The following PDE1C variants were observed in gnomAD, a reference collection of about 807,000 sequenced individuals.
PDE1C encodes the protein phosphodiesterase 1C.
Under a neutral mutation model 93.1 loss-of-function variants are expected in PDE1C, and 62 were observed. The observed-to-expected ratio is 0.67, with a 90% confidence interval of 0.54 to 0.82. The LOEUF (loss-of-function observed/expected upper bound fraction) is 0.82, where lower values mean the gene tolerates loss of function less well. Among genes scored for constraint, PDE1C ranks in the 40% least tolerant of loss-of-function variants. The pLI is 0.00. For synonymous variants in PDE1C, 325 were observed against 310.1 expected (o/e 1.05, Z -0.50); for missense variants, 742 against 884.6 (o/e 0.84, Z 2.04).
the PDE1C span, among the ~76,000 whole-genome samples, chr7:31,632,896 T>G: frequency 6.6e-6 from 1 of 151,490 alleles, no homozygotes; most frequent in Non-Finnish European, 1.5e-5. Flanking sequence ...ATTCATTTAT[T>G]TATTTATTTG....
At chr7:32,168,825 T>G (rs1044933919) in intron 3 of PDE1C, among the ~76,000 whole-genome samples, 2 of 152,170 alleles carry the variant, frequency 1.3e-5, no homozygotes, top group Non-Finnish European at 2.9e-5. Flanking sequence ...ATGAAATGGC[T>G]CTCACTGAGC....
At chr7:32,108,433 C>CCACACACACA (rs10696295) in intron 3 of PDE1C, among the ~76,000 whole-genome samples, 132 of 146,784 alleles carry the variant, frequency 9.0e-4, no homozygotes, top group African/African-American at 2.6e-3. Flanking sequence ...AGAAAAAAAA[C>CCACACACACA]CACACACACA....
intron 17 of PDE1C, among the ~76,000 whole-genome samples, chr7:31,773,571 G>A (rs892790559): frequency 5.9e-5 from 9 of 151,906 alleles, no homozygotes; most frequent in Non-Finnish European, 1.2e-4. Context: ...AAGCAGAGAC[G>A]AGATGCGAGG....
chr7:32,106,578 G>C (rs1798323697), intron 3 of PDE1C, among the ~76,000 whole-genome samples: 1 of 152,098 alleles, frequency 6.6e-6, no homozygotes, highest in South Asian at 2.1e-4. Flanking sequence ...TACAATAACA[G>C]GGGATTTAGC....
At chr7:31,750,393 A>G (rs149848198), downstream of PDE1C, among the ~76,000 whole-genome samples, 410 of 152,242 alleles carry the variant, frequency 2.7e-3, 2 homozygotes, top group African/African-American at 9.3e-3. Context: ...TACATGGTGA[A>G]ATTAACTCCT....
intron 11 of PDE1C, among the ~76,000 whole-genome samples, chr7:31,835,499 C>A (rs1313465855): frequency 1.3e-5 from 2 of 149,068 alleles, no homozygotes; most frequent in Non-Finnish European, 3.0e-5. Flanking sequence ...TGTTGACATA[C>A]ACATATAATA....
At chr7:32,408,972 C>T (rs556435274) in intron 1 of PDE1C, among the ~76,000 whole-genome samples, 1 of 152,078 alleles carries the variant, frequency 6.6e-6, no homozygotes, top group Non-Finnish European at 1.5e-5. Flanking sequence ...CAGAACACTG[C>T]CTCCTGAAAA....
intron 3 of PDE1C, among the ~76,000 whole-genome samples, chr7:32,147,617 G>A (rs1292529336): frequency 6.6e-6 from 1 of 152,058 alleles, no homozygotes; most frequent in Admixed American, 6.5e-5. Context: ...GTTCTCAGTT[G>A]GGTCACTATT....
rs189266468 is a variant in PDE1C at position 31,946,307 on chromosome 7, A to G, written c.129-65447T>C. 8.1e-3 allele frequency among the ~76,000 whole-genome samples: 1,230 copies of G among 152,186 alleles called. 9 individuals carry two copies. Among genetic ancestry groups the G allele is most frequent in the African/African-American group, 0.028 (1,164 of 41,536 alleles). On this transcript the variant is annotated intron_variant, in intron 2 of 17. Transcript: ENST00000396191. The stretch of plus-strand genomic sequence containing the variant: ...GGGGGTCCAGGGTCTGAAACCCCTC[A>G]TGGTCTTTGGAACAACAAGCTCTGT...
chr7:32,313,207 C>T (rs867094610), intron 1 of PDE1C, among the ~76,000 whole-genome samples: 1 of 152,140 alleles, frequency 6.6e-6, no homozygotes, highest in South Asian at 2.1e-4. Context: ...CAATGAGATA[C>T]CATCTCACAC....
In PDE1C at chr7:32,024,421, A is replaced by G. The variant is rs576347403; in HGVS notation, c.128+27133T>C. On this transcript the variant is annotated intron_variant, in intron 2 of 17. Transcript: ENST00000396191. ...CATATGTGTGTGTGTGTGTGTGTGT[A>G]TGTATAAGAGAGCTCATTTTAGTAA... Among the ~76,000 whole-genome samples the G allele has an allele frequency of 5.4e-5, 8 of 149,246 alleles. No homozygotes were observed. In the South Asian group the frequency reaches 8.3e-4, roughly 16 times the overall value.
chr7:31,941,653 C>CGCTA (rs1554424928), intron 2 of PDE1C: 8 of 152,192 alleles, frequency 5.3e-5, no homozygotes, highest in African/African-American at 1.9e-4. Context: ...ATCCACTTCC[C>CGCTA]GTTATTCCTA....
intron 1 of PDE1C, among the ~76,000 whole-genome samples, chr7:32,322,310 A>G (rs888856460): frequency 3.9e-5 from 6 of 152,200 alleles, no homozygotes; most frequent in Admixed American, 2.0e-4. Flanking sequence ...TAAAAGACAG[A>G]CATGTTAGCC....
chr7:31,631,702 A>C, the PDE1C span, among the ~76,000 whole-genome samples: 1 of 152,326 alleles, frequency 6.6e-6, no homozygotes, highest in Non-Finnish European at 1.5e-5. Context: ...AAGGAAGGGA[A>C]GAATTCCTAG....
At chr7:31,642,228 G>C in the PDE1C span, 5 of 1,558,214 alleles carry the variant, frequency 3.2e-6, no homozygotes, top group Admixed American at 9.6e-5. Context: ...GCGGGTTCCT[G>C]GAGGAGCCGC....
chr7:31,988,331 G>C (rs1171633122), intron 2 of PDE1C, among the ~76,000 whole-genome samples: 1 of 152,190 alleles, frequency 6.6e-6, no homozygotes, highest in Non-Finnish European at 1.5e-5. Flanking sequence ...TTTCCAGCCA[G>C]AGCCATGACC....
intron 1 of PDE1C, among the ~76,000 whole-genome samples, chr7:32,394,178 A>G (rs1049002377): frequency 6.6e-6 from 1 of 152,236 alleles, no homozygotes; most frequent in Non-Finnish European, 1.5e-5. Context: ...GTTGTGGGAA[A>G]CTATGAAATG....
chr7:31,685,850 C>G, the PDE1C span, among the ~76,000 whole-genome samples: 1 of 152,132 alleles, frequency 6.6e-6, no homozygotes. Flanking sequence ...TCATCTCTTC[C>G]CAGGAGGTCC....
the PDE1C span, among the ~76,000 whole-genome samples, chr7:31,699,389 G>A: frequency 6.6e-6 from 1 of 152,302 alleles, no homozygotes; most frequent in African/African-American, 2.4e-5. Context: ...GGCCTTCACA[G>A]AGGATTTTTT....
Sources: gnomAD v4.1 joint callset for allele counts (sites outside exome capture counted in the v4.1 genomes callset) on GRCh38, gnomAD v4.1.1 for gene constraint, MANE v1.5 for transcripts, NCBI Gene and HGNC (gene_info 2026-07-23, HGNC 2026-07-21) for gene names.